The following CDK6 variants were observed in gnomAD, a reference collection of about 807,000 sequenced individuals.
CDK6 encodes the protein cyclin-dependent kinase 6.
CDK6 carries 6 observed loss-of-function variants against 37.1 expected under a neutral mutation model. That is an observed-to-expected ratio of 0.16 (90% CI 0.09 to 0.32). The LOEUF (loss-of-function observed/expected upper bound fraction) is 0.32, where lower values mean the gene tolerates loss of function less well. Ranked by LOEUF, CDK6 falls within the 10% of genes least tolerant of loss-of-function variation. The probability of loss-of-function intolerance (pLI) is 1.00; values close to 1 mark genes in which losing one functional copy is unlikely to be tolerated. For synonymous variants in CDK6, 160 were observed against 161.3 expected, an observed-to-expected ratio of 0.99 and a Z score of 0.06; for missense variants, 224 against 418.9, an observed-to-expected ratio of 0.53 and a Z score of 4.06.
At chr7:92,615,901 T>C (rs892535683) in intron 7 of CDK6, among the ~76,000 whole-genome samples, 2 of 152,232 alleles carry the variant, frequency 1.3e-5, no homozygotes, top group Non-Finnish European at 2.9e-5. Context: ...ACCTTTGCAG[T>C]AGCAGCAATC....
At chr7:92,619,217 C>T (rs1428716602) in intron 6 of CDK6, among the ~76,000 whole-genome samples, 2 of 152,190 alleles carry the variant, frequency 1.3e-5, no homozygotes, top group African/African-American at 4.8e-5. Context: ...AAATACATCA[C>T]TACCACACTT....
rs952800035 is a variant in CDK6 at position 92,614,204 on chromosome 7, C to G, written c.*936G>C. On this transcript the variant is annotated 3_prime_UTR_variant, in exon 8 of 8. Transcript: ENST00000424848. ...AAATAACAACAACAAACAACAATAACAACAACAAAAAAAGGGAAGAAAGGA... is the reference window on the plus strand; with the variant it reads ...AAATAACAACAACAAACAACAATAAGAACAACAAAAAAAGGGAAGAAAGGA... 1 of 232,638 alleles carries G rather than the reference C, an allele frequency of 4.3e-6. No individual in the cohort carries two copies. The highest frequency in any genetic ancestry group is 5.6e-5 in the Admixed American group (1 of 17,758). The allele number at this position is 232,638 out of a possible 1,614,324, so 14.4% of individuals were successfully genotyped here. A position where few individuals can be genotyped will look rare whatever the true frequency, so the allele number is the denominator to read the frequency against.
chr7:92,698,401 C>T (rs1466228475), intron 4 of CDK6, among the ~76,000 whole-genome samples: 4 of 152,324 alleles, frequency 2.6e-5, no homozygotes, highest in Admixed American at 6.5e-5. Context: ...ATCCGCACAT[C>T]GTTAGCTGGA....
At chr7:92,797,739 G>A (rs568063640) in intron 2 of CDK6, among the ~76,000 whole-genome samples, 62 of 152,280 alleles carry the variant, frequency 4.1e-4, no homozygotes, top group African/African-American at 1.4e-3. Context: ...TCAACTCTTT[G>A]GGCAGCACAG....
At position 92,605,143 on chromosome 7, in the gene CDK6, G is replaced by A. The variant is rs1795397871; in HGVS notation, c.*9997C>T. The A allele has an allele frequency of 4.3e-6, 1 of 232,502 alleles. No homozygotes were observed. Among genetic ancestry groups the A allele is most frequent in the South Asian group, 1.8e-4 (1 of 5,510 alleles). 14.4% of individuals were successfully genotyped at this position (232,502 alleles called of 1,614,324 possible). A position where few individuals can be genotyped will look rare whatever the true frequency, so the allele number is the denominator to read the frequency against. ...TGCTCTTTTTGCCTCATTCAATTTA[G>A]CTTTCACATAAGTGAACACATTGGA... On this transcript the variant is annotated 3_prime_UTR_variant, in exon 8 of 8. Coordinates refer to ENST00000424848, the MANE Select transcript of CDK6 (RefSeq NM_001145306.2).
chr7:92,770,252 CAAGAA>C (rs1040378446), intron 3 of CDK6, among the ~76,000 whole-genome samples: 8 of 143,818 alleles, frequency 5.6e-5, no homozygotes, highest in Non-Finnish European at 1.2e-4. Flanking sequence ...TAAAGGACAT[CAAGAA>C]AAGAGGTTAA....
chr7:92,718,357 T>C (rs552500678), intron 4 of CDK6, among the ~76,000 whole-genome samples: 1 of 152,284 alleles, frequency 6.6e-6, no homozygotes, highest in African/African-American at 2.4e-5. Flanking sequence ...CTTGGTTTGA[T>C]TTATTCAGTA....
intron 4 of CDK6, among the ~76,000 whole-genome samples, chr7:92,673,158 C>A (rs1041961641): frequency 1.3e-5 from 2 of 152,178 alleles, no homozygotes; most frequent in Non-Finnish European, 2.9e-5. Context: ...TGAAAGCCTG[C>A]GAATGAGCCA....
At chr7:92,755,190 C>A (rs1799283677) in intron 3 of CDK6, among the ~76,000 whole-genome samples, 1 of 152,136 alleles carries the variant, frequency 6.6e-6, no homozygotes. Context: ...GCCGACACTC[C>A]TTGCTAACAG....
intron 4 of CDK6, among the ~76,000 whole-genome samples, chr7:92,694,803 T>TC (rs1378308688): frequency 9.9e-5 from 15 of 152,138 alleles, no homozygotes; most frequent in Non-Finnish European, 1.6e-4. Context: ...AGAAGACATG[T>TC]CTGTCTCTGA....
chr7:92,711,552 ATTTTTT>A lies in CDK6; in HGVS notation c.537+14068_537+14073del, dbSNP rs11285626. 6.1e-3 allele frequency among the ~76,000 whole-genome samples: 345 copies of A among 56,630 alleles called. 2 individuals are homozygous for A. The highest frequency in any genetic ancestry group is 0.026 in the African/African-American group (321 of 12,218). The allele number at this position is 56,630 out of a possible 152,430, so 37.2% of individuals were successfully genotyped here. On this transcript the variant is annotated intron_variant, in intron 4 of 7. Coordinates refer to ENST00000424848, the MANE Select transcript of CDK6 (RefSeq NM_001145306.2). ...TTTTTTACCTACCTGGAATGGTCAAATTTTTTTTTTTTTTTTTTTTTTTTTTTTTTT... is the reference window on the plus strand; with the variant it reads ...TTTTTTACCTACCTGGAATGGTCAAATTTTTTTTTTTTTTTTTTTTTTTTT...
intron 2 of CDK6, among the ~76,000 whole-genome samples, chr7:92,803,378 A>G (rs1483880271): frequency 2.0e-5 from 3 of 152,218 alleles, no homozygotes; most frequent in African/African-American, 7.2e-5. Context: ...GAACGTTAGT[A>G]CTAAAGTTTT....
chr7:92,821,275 C>T (rs1675926008), intron 2 of CDK6, among the ~76,000 whole-genome samples: 2 of 152,052 alleles, frequency 1.3e-5, no homozygotes, highest in African/African-American at 4.8e-5. Context: ...CATGAACCAC[C>T]AGGCTTGAAA....
At chr7:92,829,343 T>C (rs1010795499) in intron 2 of CDK6, among the ~76,000 whole-genome samples, 1 of 152,226 alleles carries the variant, frequency 6.6e-6, no homozygotes, top group African/African-American at 2.4e-5. Context: ...TGACTTTTAG[T>C]TTCCAGAGCC....
intron 4 of CDK6, among the ~76,000 whole-genome samples, chr7:92,718,515 T>C (rs1221296875): frequency 2.6e-5 from 4 of 152,152 alleles, no homozygotes; most frequent in African/African-American, 9.7e-5. Flanking sequence ...AAGATGACAT[T>C]GTTCTCCGAT....
intron 5 of CDK6, among the ~76,000 whole-genome samples, chr7:92,636,920 C>T (rs1585356058): frequency 6.6e-6 from 1 of 152,298 alleles, no homozygotes; most frequent in Middle Eastern, 3.4e-3. Flanking sequence ...CCACCTCGGC[C>T]TCCCAAAGTG....
intron 3 of CDK6, among the ~76,000 whole-genome samples, chr7:92,748,860 AT>A (rs1024464426): frequency 6.6e-6 from 1 of 152,086 alleles, no homozygotes; most frequent in Non-Finnish European, 1.5e-5. Context: ...AATGAATGTG[AT>A]TTTGCAACTT....
chr7:92,747,029 C>T (rs1465979613), intron 3 of CDK6, among the ~76,000 whole-genome samples: 3 of 152,108 alleles, frequency 2.0e-5, no homozygotes, highest in Non-Finnish European at 2.9e-5. Context: ...GATTCCATGA[C>T]TCCTCAAAGG....
At chr7:92,716,558 CAT>C (rs1798233029) in intron 4 of CDK6, among the ~76,000 whole-genome samples, 1 of 152,160 alleles carries the variant, frequency 6.6e-6, no homozygotes, top group Non-Finnish European at 1.5e-5. Context: ...ATTTGAGAAA[CAT>C]TATCTTGACT....
Sources: gnomAD v4.1 joint callset for allele counts (sites outside exome capture counted in the v4.1 genomes callset) on GRCh38, gnomAD v4.1.1 for gene constraint, MANE v1.5 for transcripts, NCBI Gene and HGNC (gene_info 2026-07-23, HGNC 2026-07-21) for gene names.